Variants in DNAAF3 observed in about 807,000 individuals in gnomAD.
The protein encoded by DNAAF3 is dynein axonemal assembly factor 3, also known as UPF0470 protein C19orf51.
In DNAAF3, 40 loss-of-function variants were observed where a neutral mutation model predicts 50.9. The ratio of observed to expected loss-of-function variants is 0.79; its 90% CI spans 0.61 to 1.02. The LOEUF is 1.02. DNAAF3 is among the 50% of genes least tolerant of loss of function. The probability of loss-of-function intolerance (pLI) is 0.00; values close to 1 mark genes in which losing one functional copy is unlikely to be tolerated. For missense variants in DNAAF3, 763 were observed against 744.7 expected (o/e 1.02, Z -0.29); for synonymous variants, 327 against 322.8 (o/e 1.01, Z -0.14).
rs903656207 is a variant in DNAAF3, at chr19:55,160,191, G to A, written c.1049-178C>T. On this transcript the variant is annotated intron_variant, in intron 9 of 11. Coordinates refer to ENST00000524407, the MANE Select transcript of DNAAF3 (RefSeq NM_001256715.2). The surrounding 1 kb of genome is among the most constrained non-coding windows in gnomAD (Gnocchi z 4.7). The stretch of plus-strand genomic sequence containing the variant: ...AAGGTAGGCTCCTGGAAAGTTCTGG[G>A]AAGGTCAGCCTGGCAGGCAGAGACT... 5.9e-5 allele frequency among the ~76,000 whole-genome samples: 9 copies of A among 152,214 alleles called. No individual in the cohort carries two copies. The highest frequency in any genetic ancestry group is 8.8e-5 in the Non-Finnish European group (6 of 68,040).
chr19:55,165,021 CTTTTTTTT>C (rs1164581047), intron 4 of DNAAF3, among the ~76,000 whole-genome samples: 173 of 84,568 alleles, frequency 2.0e-3, no homozygotes, highest in African/African-American at 8.7e-3. Context: ...GTTTCGCTCT[CTTTTTTTT>C]TTTTTTTTTT....
At position 55,160,534 on chromosome 19, in the gene DNAAF3, GA is replaced by G; in HGVS notation, c.1048+105del. The G allele has an allele frequency of 6.4e-7, 1 of 1,553,882 alleles. No individual in the cohort carries two copies. Among genetic ancestry groups the G allele is most frequent in the East Asian group, 2.2e-5 (1 of 44,546 alleles). ...GAGAGAAAAAGAGACAGAATATCAAGAAGCCGTCACTTGCCCAGGCATTCCA... is the reference window on the plus strand; with the variant it reads ...GAGAGAAAAAGAGACAGAATATCAAGAGCCGTCACTTGCCCAGGCATTCCA... On this transcript the variant is annotated intron_variant, in intron 9 of 11. Transcript: ENST00000524407. This position sits in a 1 kb window ranked among gnomAD's most constrained non-coding sequence, Gnocchi z 4.7.
chr19:55,162,428 C>T (rs2085854462), intron 4 of DNAAF3, 138 bp from the exon 5 acceptor site: 2 of 1,041,566 alleles, frequency 1.9e-6, no homozygotes, highest in Non-Finnish European at 2.5e-6. Context: ...CCAAAAACTA[C>T]ATGAAGAACA....
chr19:55,161,137 C>T lies in DNAAF3; in HGVS notation c.840G>A (p.Gly280=). The change falls in exon 8 of 12, where the codon GGG becomes GGA. Residue 280 remains glycine, a synonymous_variant. Coordinates refer to ENST00000524407, the MANE Select transcript of DNAAF3 (RefSeq NM_001256715.2). The surrounding 1 kb of genome is among the most constrained non-coding windows in gnomAD (Gnocchi z 6.4). ...CTTCGATGCCGAAGGCCACGAAGGGCCCCGTGGCGATGTCCCCCCAGTACC... is the reference window on the plus strand; with the variant it reads ...CTTCGATGCCGAAGGCCACGAAGGGTCCCGTGGCGATGTCCCCCCAGTACC... ...ARGYWGDIAT[G]PFVAFGIEAD... is the part of the protein sequence containing the mutation. 6.4e-7 allele frequency: 1 copy of T among 1,550,864 alleles called. No individual in the cohort carries two copies. The highest frequency in any genetic ancestry group is 8.7e-7 in the Non-Finnish European group (1 of 1,148,714).
chr19:55,165,952 G>A lies in DNAAF3; in HGVS notation c.134C>T (p.Pro45Leu), dbSNP rs753533801. ...DSQADTVHSN[P>L]ELDVLLLGSV... ...GCCCAGAAGCAGCACATCTAGCTCG[G>A]GGTTGCTGTGCACTGTATCGGCCTG... Residue 45 changes from proline (P) to leucine (L), a missense_variant, in exon 3 of 12, where the codon CCC (proline) becomes CTC (leucine). Transcript: ENST00000524407. The A allele has an allele frequency of 1.9e-6, 3 of 1,614,216 alleles. No homozygotes were observed. Among genetic ancestry groups the A allele is most frequent in the Admixed American group, 1.7e-5 (1 of 60,018 alleles).
In DNAAF3 at chr19:55,165,482, C is replaced by T; in HGVS notation, c.229-19G>A. The T allele has an allele frequency of 6.2e-7, 1 of 1,613,186 alleles. No individual in the cohort carries two copies. Among genetic ancestry groups the T allele is most frequent in the Non-Finnish European group, 8.5e-7 (1 of 1,179,368 alleles). ...CAAAGAACTAGAAGGATGGACAGGG[C>T]AGAATAATTCTGAGACCTGTTTGCC... On this transcript the variant is annotated intron_variant, in intron 3 of 11. Coordinates refer to ENST00000524407, the MANE Select transcript of DNAAF3 (RefSeq NM_001256715.2).
rs1010779207 is a variant in DNAAF3 at position 55,161,342 on chromosome 19, G to A, written c.740C>T (p.Ala247Val). The change falls in exon 7 of 12, where the codon GCC becomes GTC. Residue 247 changes from alanine to valine, a missense_variant. Physicochemically the swap from Ala to Val is moderately conservative, Grantham distance 64 (BLOSUM62 0). Transcript: ENST00000524407. This position sits in a 1 kb window ranked among gnomAD's most constrained non-coding sequence, Gnocchi z 6.4. ...GVAFELRDSSAYHVPNRTLAS... is the reference protein window; with the variant it reads ...GVAFELRDSSVYHVPNRTLAS... Reference sequence around the variant, plus strand: ...CAGGGTCCGGTTGGGCACATGATAGGCGCTGGAGTCCCTGAGTTCAAAGGC... The same window carrying A: ...CAGGGTCCGGTTGGGCACATGATAGACGCTGGAGTCCCTGAGTTCAAAGGC... The A allele has an allele frequency of 1.9e-6, 3 of 1,610,016 alleles. No individual in the cohort carries two copies. Among genetic ancestry groups the A allele is most frequent in the Non-Finnish European group, 2.5e-6 (3 of 1,178,270 alleles).
At position 55,160,962 on chromosome 19, in the gene DNAAF3, C is replaced by T. The variant is rs2085816199; in HGVS notation, c.912+103G>A. 32 of 1,452,696 alleles carry T rather than the reference C, an allele frequency of 2.2e-5. No individual in the cohort carries two copies. The highest frequency in any genetic ancestry group is 2.9e-5 in the Non-Finnish European group (32 of 1,105,502). The allele number at this position is 1,452,696 out of a possible 1,614,324, so 90.0% of individuals were successfully genotyped here. On this transcript the variant is annotated intron_variant, in intron 8 of 11. Coordinates refer to ENST00000524407, the MANE Select transcript of DNAAF3 (RefSeq NM_001256715.2). This position sits in a 1 kb window ranked among gnomAD's most constrained non-coding sequence, Gnocchi z 4.7. ...GGAGTCGTTCCCACCAAGCGACGGG[C>T]GGGGTCTGGAGCTGGGGGCGGGGCC...
chr19:55,166,628 G>C, upstream of DNAAF3: 2 of 1,613,768 alleles, frequency 1.2e-6, no homozygotes, highest in Non-Finnish European at 1.7e-6. This position sits in a 1 kb window ranked among gnomAD's most constrained non-coding sequence, Gnocchi z 4.0. Context: ...CCCTTTTCGA[G>C]GAATCAAGCA....
At position 55,160,107 on chromosome 19, in the gene DNAAF3, G is replaced by C; in HGVS notation, c.1049-94C>G. 1.2e-6 allele frequency: 1 copy of C among 838,352 alleles called. No homozygotes were observed. Among genetic ancestry groups the C allele is most frequent in the East Asian group, 2.5e-5 (1 of 39,962 alleles). The allele number at this position is 838,352 out of a possible 1,614,324, so 51.9% of individuals were successfully genotyped here. ...CACAGAGCTGGGCAGAGCTGGGCAGGCACACAGGACTTGGAGATAACACTT... is the reference window on the plus strand; with the variant it reads ...CACAGAGCTGGGCAGAGCTGGGCAGCCACACAGGACTTGGAGATAACACTT... On this transcript the variant is annotated intron_variant, in intron 9 of 11. Coordinates refer to ENST00000524407, the MANE Select transcript of DNAAF3 (RefSeq NM_001256715.2). This position sits in a 1 kb window ranked among gnomAD's most constrained non-coding sequence, Gnocchi z 4.7.
In DNAAF3 at chr19:55,165,021, C is replaced by CTT. The variant is rs1164581047; in HGVS notation, c.322+347_322+348dup. On this transcript the variant is annotated intron_variant, in intron 4 of 11. Coordinates refer to ENST00000524407, the MANE Select transcript of DNAAF3 (RefSeq NM_001256715.2). The stretch of plus-strand genomic sequence containing the variant: ...TGGTTTTTAGATGGAGTTTCGCTCT[C>CTT]TTTTTTTTTTTTTTTTTTTTTTTTT... Among the ~76,000 whole-genome samples the CTT allele has an allele frequency of 3.8e-3, 325 of 84,568 alleles. 36 individuals are homozygous for CTT. Among genetic ancestry groups the CTT allele is most frequent in the Non-Finnish European group, 5.2e-3 (242 of 46,486 alleles). The allele number at this position is 84,568 out of a possible 152,430, so 55.5% of individuals were successfully genotyped here.
rs1314262803 is a variant in DNAAF3, at chr19:55,161,192, A to T, written c.790-5T>A. On this transcript the variant is annotated splice_region_variant and splice_polypyrimidine_tract_variant and intron_variant, in intron 7 of 11. Transcript: ENST00000524407. This position sits in a 1 kb window ranked among gnomAD's most constrained non-coding sequence, Gnocchi z 6.4. ...CGCTGCCACGCGCTCCCCACGCTGG[A>T]AAAGGAGGGAGAGAGGAGGCAGGTG... 52 of 1,578,016 alleles carry T rather than the reference A, an allele frequency of 3.3e-5. No homozygotes were observed. The highest frequency in any genetic ancestry group is 4.3e-5 in the Non-Finnish European group (50 of 1,161,434).
intron 10 of DNAAF3, 111 bp downstream of exon 10, chr19:55,159,788 C>T: frequency 1.0e-6 from 1 of 969,158 alleles, no homozygotes; most frequent in Non-Finnish European, 1.3e-6. Flanking sequence ...GGGGCCTGGA[C>T]CCCTGGGTCT....
chr19:55,166,658 G>A, upstream of DNAAF3: 1 of 1,607,818 alleles, frequency 6.2e-7, no homozygotes. This position sits in a 1 kb window ranked among gnomAD's most constrained non-coding sequence, Gnocchi z 4.0. Flanking sequence ...TGTGGGATGG[G>A]ACCACAGCGA....
chr19:55,164,187 C>A (rs1441650320), intron 4 of DNAAF3, among the ~76,000 whole-genome samples: 1 of 152,102 alleles, frequency 6.6e-6, no homozygotes, highest in Non-Finnish European at 1.5e-5. Context: ...TCAATTAAAC[C>A]TCTTTTCTTG....
At chr19:55,162,111 G>A (rs1568865575) in intron 5 of DNAAF3, 22 bp downstream of exon 5, 2 of 1,243,760 alleles carry the variant, frequency 1.6e-6, no homozygotes, top group South Asian at 3.9e-5. Context: ...CCCGATCCCA[G>A]ATGGAGGCCG....
In DNAAF3 at chr19:55,161,126, G is replaced by T. The variant is rs966788457; in HGVS notation, c.851C>A (p.Ala284Asp). 9.0e-6 allele frequency: 14 copies of T among 1,547,972 alleles called. No individual in the cohort carries two copies. Among genetic ancestry groups the T allele is most frequent in the Non-Finnish European group, 8.7e-6 (10 of 1,147,580 alleles). ...CTCGTCGTCCGCTTCGATGCCGAAG[G>T]CCACGAAGGGCCCCGTGGCGATGTC... ...WGDIATGPFVAFGIEADDESL... is the reference protein window; with the variant it reads ...WGDIATGPFVDFGIEADDESL... Residue 284 changes from alanine to aspartate, a missense_variant, in exon 8 of 12, where the codon GCC becomes GAC. By Grantham distance (126) the Ala-to-Asp change is moderately radical. Coordinates refer to ENST00000524407, the MANE Select transcript of DNAAF3 (RefSeq NM_001256715.2). The surrounding 1 kb of genome is among the most constrained non-coding windows in gnomAD (Gnocchi z 6.4).
intron 4 of DNAAF3, among the ~76,000 whole-genome samples, chr19:55,162,997 C>CTTTTTTTTTTTTTTTTTTTTTTTTT (rs576178532): frequency 1.1e-5 from 1 of 92,162 alleles, no homozygotes; most frequent in African/African-American, 4.2e-5. Context: ...TTTTCTTTTT[C>CTTTTTTTTTTTTTTTTTTTTTTTTT]TTTTTTTTTT....
At chr19:55,166,670 C>G (rs755653322), upstream of DNAAF3, 10 of 1,603,048 alleles carry the variant, frequency 6.2e-6, no homozygotes, top group South Asian at 1.1e-5. The surrounding 1 kb of genome is among the most constrained non-coding windows in gnomAD (Gnocchi z 4.0). Context: ...CCACAGCGAG[C>G]AACTGACCAA....
Sources: allele counts gnomAD v4.1 joint callset (sites outside exome capture counted in the v4.1 genomes callset), GRCh38; gene constraint gnomAD v4.1.1; non-coding constraint Gnocchi (gnomAD v3.1); transcripts MANE v1.5; gene names NCBI Gene and HGNC (gene_info 2026-07-23, HGNC 2026-07-21).